The following ZFHX3 variants were observed in gnomAD, a reference collection of about 807,000 sequenced individuals.
The protein encoded by ZFHX3 is zinc finger homeobox protein 3.
In ZFHX3, 42 loss-of-function variants were observed where a neutral mutation model predicts 279.1. That is an observed-to-expected ratio of 0.15 (90% CI 0.12 to 0.19). The LOEUF is 0.19. Among genes scored for constraint, ZFHX3 ranks in the 10% least tolerant of loss-of-function variants. The pLI, the probability that ZFHX3 is intolerant of heterozygous loss-of-function variation, is 1.00. For synonymous variants in ZFHX3, 2,293 were observed against 1,957.8 expected (o/e 1.17, Z -4.52); for missense variants, 4,981 against 4,754.0 (o/e 1.05, Z -1.40).
At chr16:73,378,353 T>C (rs1480294263) in intron 3 of ZFHX3, among the ~76,000 whole-genome samples, 3 of 152,206 alleles carry the variant, frequency 2.0e-5, no homozygotes, top group African/African-American at 4.8e-5. Context: ...CCCCACCAAA[T>C]GATTGGCCCT....
intron 1 of ZFHX3, among the ~76,000 whole-genome samples, chr16:73,697,348 T>C (rs966981737): frequency 6.6e-6 from 1 of 152,168 alleles, no homozygotes; most frequent in African/African-American, 2.4e-5. Context: ...TGTCATAAAT[T>C]CAGGTATAAA....
At position 73,590,383 on chromosome 16, in the gene ZFHX3, A is replaced by C. The variant is rs184237417; in HGVS notation, c.-1547+89797T>G. 2.6e-4 allele frequency among the ~76,000 whole-genome samples: 40 copies of C among 152,340 alleles called. No homozygotes were observed. The East Asian group carries it at 7.5e-3, about 29-fold the overall frequency. On this transcript the variant is annotated intron_variant, in intron 2 of 17. Coordinates refer to the ZFHX3 transcript ENST00000641206. Reference sequence around the variant, plus strand: ...TCTGGGACAGGAATTGTACAAGATGAGCATGGGACATGTTGGAAAACAAGG... The same window carrying C: ...TCTGGGACAGGAATTGTACAAGATGCGCATGGGACATGTTGGAAAACAAGG...
intron 2 of ZFHX3, among the ~76,000 whole-genome samples, chr16:73,573,982 C>T (rs1276240942): frequency 1.3e-5 from 2 of 152,164 alleles, no homozygotes; most frequent in African/African-American, 2.4e-5. Context: ...CCTCCCTTCC[C>T]TCTCCTCCCT....
At chr16:73,442,343 A>T (rs1363198054) in intron 3 of ZFHX3, among the ~76,000 whole-genome samples, 1 of 148,894 alleles carries the variant, frequency 6.7e-6, no homozygotes, top group African/African-American at 2.5e-5. Context: ...CTTTGTCCAC[A>T]TCAGTATCCC....
intron 4 of ZFHX3, among the ~76,000 whole-genome samples, chr16:73,290,015 CCACACACACACACACACACA>C (rs10564390): frequency 6.9e-6 from 1 of 144,314 alleles, no homozygotes; most frequent in African/African-American, 2.5e-5. Flanking sequence ...AGAGAAATAA[CCACACACACACACACACACA>C]CACACACACA....
chr16:73,422,324 G>A (rs1567479444), intron 3 of ZFHX3, among the ~76,000 whole-genome samples: 1 of 152,046 alleles, frequency 6.6e-6, no homozygotes, highest in South Asian at 2.1e-4. Flanking sequence ...TGACAACAGA[G>A]CTTTGGAGGT....
At chr16:73,820,521 C>T (rs1431881846) in intron 1 of ZFHX3, among the ~76,000 whole-genome samples, 5 of 152,100 alleles carry the variant, frequency 3.3e-5, no homozygotes, top group Admixed American at 2.6e-4. Flanking sequence ...TTCTGGTCAA[C>T]TGCACATTGA....
chr16:73,661,459 G>A (rs888232650), intron 2 of ZFHX3, among the ~76,000 whole-genome samples: 1 of 152,144 alleles, frequency 6.6e-6, no homozygotes, highest in African/African-American at 2.4e-5. Flanking sequence ...GCTGGCTCAC[G>A]CCTATAATCC....
At chr16:72,880,809 A>G (rs1030975141) in intron 4 of ZFHX3, among the ~76,000 whole-genome samples, 1 of 152,212 alleles carries the variant, frequency 6.6e-6, no homozygotes, top group Non-Finnish European at 1.5e-5. Flanking sequence ...CTTGAGGCAT[A>G]AAACTATAAA....
At chr16:73,403,249 C>T (rs1437059386) in intron 3 of ZFHX3, among the ~76,000 whole-genome samples, 2 of 152,196 alleles carry the variant, frequency 1.3e-5, no homozygotes, top group African/African-American at 2.4e-5. Flanking sequence ...CAGTGGGGGA[C>T]GTGATGGAGT....
chr16:73,206,597 A>G (rs1473140213), intron 5 of ZFHX3, among the ~76,000 whole-genome samples: 1 of 152,170 alleles, frequency 6.6e-6, no homozygotes, highest in Non-Finnish European at 1.5e-5. Context: ...CTTCTCCTTT[A>G]TCAACATGTA....
chr16:73,643,242 T>G (rs114376130), intron 2 of ZFHX3, among the ~76,000 whole-genome samples: 11 of 148,174 alleles, frequency 7.4e-5, no homozygotes, highest in Non-Finnish European at 1.3e-4. Context: ...CCTCACAGAA[T>G]TTTTTTGGGA....
At chr16:73,405,136 C>T (rs1303655816) in intron 3 of ZFHX3, among the ~76,000 whole-genome samples, 2 of 152,138 alleles carry the variant, frequency 1.3e-5, no homozygotes, top group African/African-American at 4.8e-5. Context: ...ATCATTACAA[C>T]CATCAGTGTT....
intron 3 of ZFHX3, among the ~76,000 whole-genome samples, chr16:73,328,381 G>A (rs2015734287): frequency 6.6e-6 from 1 of 152,174 alleles, no homozygotes; most frequent in South Asian, 2.1e-4. Context: ...CTCACTGCTT[G>A]ACCAGATTGC....
At chr16:73,341,417 A>G (rs2016031924) in intron 3 of ZFHX3, among the ~76,000 whole-genome samples, 1 of 152,206 alleles carries the variant, frequency 6.6e-6, no homozygotes, top group African/African-American at 2.4e-5. Flanking sequence ...GATTCCAAAA[A>G]AGATACATAA....
chr16:73,890,501 G>A (rs1472901470), intron 1 of ZFHX3, among the ~76,000 whole-genome samples: 1 of 152,102 alleles, frequency 6.6e-6, no homozygotes, highest in Admixed American at 6.5e-5. Context: ...TATTGTCAAC[G>A]GTTGAAACCT....
At chr16:73,528,479 G>A (rs1442553938) in intron 2 of ZFHX3, among the ~76,000 whole-genome samples, 1 of 152,130 alleles carries the variant, frequency 6.6e-6, no homozygotes, top group African/African-American at 2.4e-5. Flanking sequence ...ATTCAATATG[G>A]TCTATGTCTT....
chr16:73,686,089 C>CTTATTTATTTAT (rs71374579), intron 1 of ZFHX3, among the ~76,000 whole-genome samples: 1 of 151,830 alleles, frequency 6.6e-6, no homozygotes, highest in Middle Eastern at 3.4e-3. Context: ...TCAGACATTT[C>CTTATTTATTTAT]TTATTTATTT....
intron 1 of ZFHX3, among the ~76,000 whole-genome samples, chr16:73,877,896 A>G (rs2030006055): frequency 6.6e-6 from 1 of 152,044 alleles, no homozygotes; most frequent in Non-Finnish European, 1.5e-5. Context: ...ACTCCCCCCA[A>G]AAAAGAAAAT....
Sources: allele counts gnomAD v4.1 joint callset (sites outside exome capture counted in the v4.1 genomes callset), GRCh38; gene constraint gnomAD v4.1.1; transcripts MANE v1.5; gene names NCBI Gene and HGNC (gene_info 2026-07-23, HGNC 2026-07-21).